The following GRIN2A variants were observed in gnomAD, a reference collection of about 807,000 sequenced individuals.
GRIN2A encodes the protein glutamate ionotropic receptor NMDA type subunit 2A.
Under a neutral mutation model 113.4 loss-of-function variants are expected in GRIN2A, and 22 were observed. The observed-to-expected ratio is 0.19, with a 90% CI of 0.14 to 0.28. The LOEUF is 0.28. GRIN2A is among the 10% of genes least tolerant of loss of function. The probability of loss-of-function intolerance (pLI) is 1.00; values close to 1 mark genes in which losing one functional copy is unlikely to be tolerated. For synonymous variants in GRIN2A, 827 were observed against 738.4 expected (o/e 1.12, Z -1.94); for missense variants, 1,502 against 1,887.0 (o/e 0.80, Z 3.78).
chr16:10,161,899 C>T (rs143382906), intron 2 of GRIN2A, among the ~76,000 whole-genome samples: 77 of 152,294 alleles, frequency 5.1e-4, no homozygotes, highest in African/African-American at 1.8e-3. Flanking sequence ...CACCTCCCTG[C>T]CTCCCTTTCA....
chr16:9,871,343 T>C (rs2043256887), intron 4 of GRIN2A, among the ~76,000 whole-genome samples: 1 of 151,982 alleles, frequency 6.6e-6, no homozygotes, highest in Non-Finnish European at 1.5e-5. Flanking sequence ...AAAGGACTCC[T>C]TGAAGACACT....
chr16:9,930,130 C>G (rs913019176), intron 3 of GRIN2A, among the ~76,000 whole-genome samples: 4 of 152,094 alleles, frequency 2.6e-5, no homozygotes, highest in Non-Finnish European at 5.9e-5. Context: ...AGTGCTCAGG[C>G]TGAACACCCA....
chr16:9,809,752 G>A (rs1164679191), intron 10 of GRIN2A, among the ~76,000 whole-genome samples: 1 of 152,076 alleles, frequency 6.6e-6, no homozygotes, highest in African/African-American at 2.4e-5. Flanking sequence ...ATTAAACTAA[G>A]AGTTACAGGT....
At chr16:10,137,615 C>G (rs1180851630) in intron 2 of GRIN2A, among the ~76,000 whole-genome samples, 1 of 152,184 alleles carries the variant, frequency 6.6e-6, no homozygotes, top group Non-Finnish European at 1.5e-5. Context: ...GCCTTCCTGC[C>G]CCAGCCCTGG....
intron 2 of GRIN2A, among the ~76,000 whole-genome samples, chr16:10,179,148 C>T (rs2050209120): frequency 6.6e-6 from 1 of 152,136 alleles, no homozygotes; most frequent in Admixed American, 6.5e-5. Context: ...CCAGGCTGTC[C>T]ACAAAAAAGA....
chr16:9,868,854 G>C (rs879804219), intron 4 of GRIN2A, among the ~76,000 whole-genome samples: 2 of 152,112 alleles, frequency 1.3e-5, no homozygotes, highest in Non-Finnish European at 2.9e-5. Context: ...GTTTCAACAC[G>C]CTACTCACCC....
At chr16:10,149,801 A>G (rs2049529896) in intron 2 of GRIN2A, among the ~76,000 whole-genome samples, 1 of 152,244 alleles carries the variant, frequency 6.6e-6, no homozygotes, top group Non-Finnish European at 1.5e-5. Flanking sequence ...TTTTAAAGAC[A>G]TAAATAAAGT....
chr16:9,907,393 C>T (rs893859064), intron 3 of GRIN2A, among the ~76,000 whole-genome samples: 3 of 152,134 alleles, frequency 2.0e-5, no homozygotes, highest in African/African-American at 7.2e-5. Flanking sequence ...ATGATTCTAT[C>T]TTATATGACA....
chr16:10,084,990 C>T (rs1416106636), intron 2 of GRIN2A, among the ~76,000 whole-genome samples: 3 of 152,148 alleles, frequency 2.0e-5, no homozygotes, highest in African/African-American at 7.2e-5. Context: ...ATTCCAAGGG[C>T]CTTATGTATA....
intron 2 of GRIN2A, among the ~76,000 whole-genome samples, chr16:10,038,997 C>A (rs1323015796): frequency 6.6e-6 from 1 of 152,078 alleles, no homozygotes; most frequent in East Asian, 1.9e-4. Flanking sequence ...CCCCCTCATC[C>A]CCCAAACAGC....
chr16:10,009,772 A>G (rs2046471245), intron 2 of GRIN2A, among the ~76,000 whole-genome samples: 1 of 152,112 alleles, frequency 6.6e-6, no homozygotes, highest in Non-Finnish European at 1.5e-5. Flanking sequence ...CAACCTGCCA[A>G]TCTGGTCTTT....
chr16:9,958,703 T>C (rs548447980), intron 2 of GRIN2A, among the ~76,000 whole-genome samples: 4 of 152,228 alleles, frequency 2.6e-5, no homozygotes, highest in African/African-American at 9.6e-5. Context: ...TATATTCGTT[T>C]GCATACCAGA....
intron 2 of GRIN2A, among the ~76,000 whole-genome samples, chr16:10,110,638 T>G (rs193162164): frequency 6.6e-6 from 1 of 152,350 alleles, no homozygotes; most frequent in Admixed American, 6.5e-5. Context: ...GCTGACAGAC[T>G]GCAAGTATGA....
In GRIN2A at chr16:9,987,145, T is replaced by C. The variant is rs565678916; in HGVS notation, c.415-48594A>G. Among the ~76,000 whole-genome samples the C allele has an allele frequency of 9.2e-5, 14 of 152,280 alleles. No homozygotes were observed. The South Asian group carries it at 2.5e-3, about 27-fold the overall frequency. On this transcript the variant is annotated intron_variant, in intron 2 of 12. Coordinates refer to ENST00000330684, the MANE Select transcript of GRIN2A (RefSeq NM_001134407.3). ...AATTTGATACTTACTGGTATGGCTGTTTGTTATTGCAGAGCATGTCTGGTC... is the reference window on the plus strand; with the variant it reads ...AATTTGATACTTACTGGTATGGCTGCTTGTTATTGCAGAGCATGTCTGGTC...
intron 3 of GRIN2A, among the ~76,000 whole-genome samples, chr16:9,892,767 G>T (rs147326080): frequency 6.6e-5 from 10 of 152,164 alleles, no homozygotes; most frequent in African/African-American, 2.4e-4. Flanking sequence ...CTTGCAGCTT[G>T]AGAAAAATGT....
rs145053345 is a variant in GRIN2A at position 10,149,109 on chromosome 16, G to C, written c.414+30889C>G. On this transcript the variant is annotated intron_variant, in intron 2 of 12. Coordinates refer to ENST00000330684, the MANE Select transcript of GRIN2A (RefSeq NM_001134407.3). ...GGTGTGAGGGCAGGGAATAGGGATG[G>C]TTAATGGGTTCAAAAAATAGAAAGA... Among the ~76,000 whole-genome samples the C allele has an allele frequency of 1.1e-3, 167 of 152,290 alleles. No homozygotes were observed. In the East Asian group the frequency reaches 0.017, roughly 15 times the overall value.
At chr16:9,768,040 A>AT (rs891532441) in intron 12 of GRIN2A, among the ~76,000 whole-genome samples, 9 of 151,732 alleles carry the variant, frequency 5.9e-5, no homozygotes, top group African/African-American at 9.7e-5. Context: ...GTGTTTTTAA[A>AT]TTTTTTTTTA....
chr16:10,122,502 G>A (rs1040063986), intron 2 of GRIN2A, among the ~76,000 whole-genome samples: 3 of 152,096 alleles, frequency 2.0e-5, no homozygotes. Flanking sequence ...CTTTTTGAAG[G>A]TCATTAGAGG....
intron 10 of GRIN2A, among the ~76,000 whole-genome samples, chr16:9,808,835 A>C (rs2141262821): frequency 6.6e-6 from 1 of 152,282 alleles, no homozygotes; most frequent in South Asian, 2.1e-4. Context: ...ATTCCTAGAA[A>C]ACCACTTGTA....
Sources: allele counts gnomAD v4.1 joint callset (sites outside exome capture counted in the v4.1 genomes callset), GRCh38; gene constraint gnomAD v4.1.1; transcripts MANE v1.5; gene names NCBI Gene and HGNC (gene_info 2026-07-23, HGNC 2026-07-21).